IWS1: variants seen among roughly 807,000 people sequenced by gnomAD.
IWS1 encodes protein IWS1 homolog.
In IWS1, 27 loss-of-function variants were observed where a neutral mutation model predicts 86.7. The observed-to-expected ratio is 0.31, with a 90% CI of 0.23 to 0.43. IWS1 has a LOEUF of 0.43. Ranked by LOEUF, IWS1 falls within the 20% of genes least tolerant of loss-of-function variation. The pLI is 1.00. For synonymous variants in IWS1, 313 were observed against 335.1 expected, an observed-to-expected ratio of 0.93 and a Z score of 0.72; for missense variants, 827 against 1,000.8, an observed-to-expected ratio of 0.83 and a Z score of 2.34.
In IWS1 at chr2:127,496,038, A is replaced by C; in HGVS notation, c.1676T>G (p.Val559Gly). The C allele has an allele frequency of 6.2e-7, 1 of 1,613,798 alleles. No individual in the cohort carries two copies. The highest frequency in any genetic ancestry group is 8.5e-7 in the Non-Finnish European group (1 of 1,179,878). The change falls in exon 7 of 14, where the codon GTC becomes GGC. Residue 559 changes from valine (V) to glycine (G), a missense_variant. Transcript: ENST00000295321. The stretch of plus-strand genomic sequence containing the variant: ...CATCTTGACGATCATGGCACTCACG[A>C]CGTCGTCTGCATCACTAATAAAGGT... Reference protein sequence around the residue: ...GGTFISDADDVVSAMIVKMNE... With the variant: ...GGTFISDADDGVSAMIVKMNE...
In IWS1 at chr2:127,480,834, G is replaced by A; in HGVS notation, c.*210C>T. On this transcript the variant is annotated 3_prime_UTR_variant, in exon 14 of 14. Transcript: ENST00000295321. The stretch of plus-strand genomic sequence containing the variant: ...AAAAACCAGAATGAAATTTTATTGT[G>A]TAAAGTTTATAGAAGTATGACTAGT... 1 of 435,826 alleles carries A rather than the reference G, an allele frequency of 2.3e-6. No individual in the cohort carries two copies. Among genetic ancestry groups the A allele is most frequent in the Non-Finnish European group, 3.9e-6 (1 of 255,408 alleles). 27.0% of individuals were successfully genotyped at this position (435,826 alleles called of 1,614,324 possible).
intron 7 of IWS1, 62 bp downstream of exon 7, chr2:127,495,936 A>G: frequency 6.9e-7 from 1 of 1,440,516 alleles, no homozygotes; most frequent in South Asian, 1.5e-5. Context: ...GTATCAAAAA[A>G]AGGGCATCCA....
intron 1 of IWS1, among the ~76,000 whole-genome samples, chr2:127,525,321 G>A (rs1001142056): frequency 6.6e-6 from 1 of 152,170 alleles, no homozygotes; most frequent in African/African-American, 2.4e-5. Flanking sequence ...AGAATTCACT[G>A]TCCTACGTAA....
At position 127,523,727 on chromosome 2, in the gene IWS1, T is replaced by C; in HGVS notation, c.99A>G (p.Val33=). The C allele has an allele frequency of 6.2e-7, 1 of 1,614,058 alleles. No individual in the cohort carries two copies. Among genetic ancestry groups the C allele is most frequent in the Non-Finnish European group, 8.5e-7 (1 of 1,179,972 alleles). The change falls in exon 2 of 14, where the codon GTA becomes GTG. Residue 33 remains valine, a synonymous_variant. Transcript: ENST00000295321. The part of the protein sequence containing the change: ...RDSGSDGEDD[V]NEQHSGSDTG... ...TGTCTGATCCGGAGTGTTGCTCATTTACATCATCCTCACCGTCTGACCCTG... is the reference window on the plus strand; with the variant it reads ...TGTCTGATCCGGAGTGTTGCTCATTCACATCATCCTCACCGTCTGACCCTG...
chr2:127,500,622 A>T (rs182235616), intron 5 of IWS1, among the ~76,000 whole-genome samples: 6 of 152,234 alleles, frequency 3.9e-5, no homozygotes, highest in African/African-American at 1.4e-4. Flanking sequence ...GTTTCAGACA[A>T]ATCTCTTGAC....
chr2:127,503,313 T>G (rs1056798111), intron 4 of IWS1, 74 bp downstream of exon 4: 1 of 1,077,046 alleles, frequency 9.3e-7, no homozygotes, highest in Non-Finnish European at 1.4e-6. Flanking sequence ...GCAGGACATA[T>G]TGTATTATAA....
chr2:127,517,193 C>T lies in IWS1; in HGVS notation c.150+6483G>A, dbSNP rs1028393932. 1.1e-4 allele frequency among the ~76,000 whole-genome samples: 16 copies of T among 152,288 alleles called. No individual in the cohort carries two copies. In the South Asian group the frequency reaches 1.9e-3, roughly 18 times the overall value. ...TATTCCCCAAACTGGTCTACAGATTCGGTGCAATCCCCCATCAGAATCCCA... is the reference window on the plus strand; with the variant it reads ...TATTCCCCAAACTGGTCTACAGATTTGGTGCAATCCCCCATCAGAATCCCA... On this transcript the variant is annotated intron_variant, in intron 2 of 13. Transcript: ENST00000295321.
Position 127,505,841 on chromosome 2 carries a change from T to TA in IWS1, c.151-90dup, listed in dbSNP as rs1413641136. 13 of 891,168 alleles carry TA rather than the reference T, an allele frequency of 1.5e-5. No individual in the cohort carries two copies. In the East Asian group the frequency reaches 2.7e-4, roughly 19 times the overall value. The allele number at this position is 891,168 out of a possible 1,614,324, so 55.2% of individuals were successfully genotyped here. A position where few individuals can be genotyped will look rare whatever the true frequency, so the allele number is the denominator to read the frequency against. On this transcript the variant is annotated intron_variant, in intron 2 of 13. Transcript: ENST00000295321. The surrounding 1 kb of genome is among the most constrained non-coding windows in gnomAD (Gnocchi z 5.0). ...CATTAAATTTTTTCTGTGATTTTTT[T>TA]AAAATACAGGATTATGTGCACCTAA...
chr2:127,489,116 T>G lies in IWS1; in HGVS notation c.2216+63A>C. ...AACATCATTTCATTTACTACTTTTCTTAAAGCAGCAAACGGAAATTCTCTA... is the reference window on the plus strand; with the variant it reads ...AACATCATTTCATTTACTACTTTTCGTAAAGCAGCAAACGGAAATTCTCTA... On this transcript the variant is annotated intron_variant, in intron 12 of 13. Coordinates refer to ENST00000295321, the MANE Select transcript of IWS1 (RefSeq NM_017969.3). The surrounding 1 kb of genome is among the most constrained non-coding windows in gnomAD (Gnocchi z 4.8). 1 of 1,185,920 alleles carries G rather than the reference T, an allele frequency of 8.4e-7. No homozygotes were observed. Among genetic ancestry groups the G allele is most frequent in the Non-Finnish European group, 1.2e-6 (1 of 811,588 alleles). The allele number at this position is 1,185,920 out of a possible 1,614,324, so 73.5% of individuals were successfully genotyped here. A position where few individuals can be genotyped will look rare whatever the true frequency, so the allele number is the denominator to read the frequency against.
At chr2:127,523,857 C>T in intron 1 of IWS1, 66 bp from the exon 2 acceptor site, 1 of 1,046,688 alleles carries the variant, frequency 9.6e-7, no homozygotes, top group East Asian at 2.4e-5. Flanking sequence ...GTGAAATGAA[C>T]ACACTGAATC....
Position 127,513,392 on chromosome 2 carries a change from G to A in IWS1, c.151-7640C>T, listed in dbSNP as rs541949387. 7.9e-5 allele frequency among the ~76,000 whole-genome samples: 12 copies of A among 152,318 alleles called. No individual in the cohort carries two copies. The East Asian group carries it at 2.1e-3, about 27-fold the overall frequency. ...ATACAAAATATTCAAAGAAAGATGTGTAAAACTTCTATAGGCTTCTGGATT... is the reference window on the plus strand; with the variant it reads ...ATACAAAATATTCAAAGAAAGATGTATAAAACTTCTATAGGCTTCTGGATT... On this transcript the variant is annotated intron_variant, in intron 2 of 13. Transcript: ENST00000295321.
Position 127,505,147 on chromosome 2 carries a change from A to G in IWS1, c.756T>C (p.Ser252=). 1 of 1,611,494 alleles carries G rather than the reference A, an allele frequency of 6.2e-7. No homozygotes were observed. The highest frequency in any genetic ancestry group is 8.5e-7 in the Non-Finnish European group (1 of 1,178,300). ...LPKPRISDSE[S]EDPPRHQASD... is the part of the protein sequence containing the mutation. Reference sequence around the variant, plus strand: ...TGGCCTGGTGCCTCGGAGGGTCCTCACTTTCTGAGTCACTGATACGAGGTT... The same window carrying G: ...TGGCCTGGTGCCTCGGAGGGTCCTCGCTTTCTGAGTCACTGATACGAGGTT... The change falls in exon 3 of 14, where the codon AGT becomes AGC. Residue 252 remains serine, a synonymous_variant. Coordinates refer to ENST00000295321, the MANE Select transcript of IWS1 (RefSeq NM_017969.3). This position sits in a 1 kb window ranked among gnomAD's most constrained non-coding sequence, Gnocchi z 5.0.
At chr2:127,506,921 C>T (rs111589489) in intron 2 of IWS1, among the ~76,000 whole-genome samples, 9 of 152,226 alleles carry the variant, frequency 5.9e-5, no homozygotes, top group African/African-American at 1.7e-4. Flanking sequence ...TTTTAGGATC[C>T]GGTGAATTTT....
chr2:127,501,386 T>G (rs1205691250), intron 5 of IWS1, among the ~76,000 whole-genome samples: 3 of 152,178 alleles, frequency 2.0e-5, no homozygotes, highest in Non-Finnish European at 4.4e-5. Flanking sequence ...GTTGGTTTCT[T>G]GCAGTTTTAT....
chr2:127,501,231 G>C (rs1352319461), intron 5 of IWS1, among the ~76,000 whole-genome samples: 1 of 151,978 alleles, frequency 6.6e-6, no homozygotes. Flanking sequence ...TTCCTGGAAA[G>C]TATTTTTGCT....
At chr2:127,494,831 T>A (rs148683684) in intron 8 of IWS1, 41 bp downstream of exon 8, 3 of 1,165,538 alleles carry the variant, frequency 2.6e-6, no homozygotes, top group South Asian at 2.9e-5. Flanking sequence ...TATCATTCCA[T>A]GAAAAGGAAA....
upstream of IWS1, chr2:127,526,611 T>C (rs920615690): frequency 4.4e-6 from 6 of 1,352,638 alleles, no homozygotes; most frequent in African/African-American, 7.4e-5. Context: ...AAAATTGAGC[T>C]GGAACTCGGG....
intron 2 of IWS1, chr2:127,514,773 A>G (rs999625437): frequency 2.0e-5 from 3 of 152,466 alleles, no homozygotes; most frequent in African/African-American, 7.2e-5. Context: ...TGCTGTAACC[A>G]GACCCTGCAC....
chr2:127,489,266 G>A lies in IWS1; in HGVS notation c.2160-31C>T. 1.3e-6 allele frequency: 2 copies of A among 1,531,036 alleles called. No homozygotes were observed. The highest frequency in any genetic ancestry group is 2.7e-5 in the African/African-American group (2 of 72,998). 94.8% of individuals were successfully genotyped at this position (1,531,036 alleles called of 1,614,324 possible). A position where few individuals can be genotyped will look rare whatever the true frequency, so the allele number is the denominator to read the frequency against. On this transcript the variant is annotated intron_variant, in intron 11 of 13. Coordinates refer to ENST00000295321, the MANE Select transcript of IWS1 (RefSeq NM_017969.3). This position sits in a 1 kb window ranked among gnomAD's most constrained non-coding sequence, Gnocchi z 4.8. ...AAAAAAGTAAACAAGGAGATACCAG[G>A]AATATTAGAACCTAATAACTCAGAA... is the stretch of plus-strand genomic sequence containing the variant.
Sources: gnomAD v4.1 joint callset for allele counts (sites outside exome capture counted in the v4.1 genomes callset) on GRCh38, gnomAD v4.1.1 for gene constraint, Gnocchi (gnomAD v3.1) non-coding constraint, MANE v1.5 for transcripts, NCBI Gene and HGNC (gene_info 2026-07-23, HGNC 2026-07-21) for gene names.